Variants in CMTR1 observed in about 807,000 individuals in gnomAD.
CMTR1 encodes cap methyltransferase 1.
Under a neutral mutation model 107.0 loss-of-function variants are expected in CMTR1, and 39 were observed. The ratio of observed to expected loss-of-function variants is 0.36; its 90% CI spans 0.28 to 0.48. The LOEUF is 0.48. Ranked by LOEUF, CMTR1 falls within the 20% of genes least tolerant of loss-of-function variation. CMTR1 has a pLI of 0.99. For missense variants in CMTR1, 672 were observed against 1,064.9 expected (o/e 0.63, Z 5.14); for synonymous variants, 366 against 379.5 (o/e 0.96, Z 0.41).
At position 37,444,087 on chromosome 6, in the gene CMTR1, C is replaced by T. The variant is rs1771730651; in HGVS notation, c.222C>T (p.Asp74=). The T allele has an allele frequency of 1.2e-6, 2 of 1,614,046 alleles. No homozygotes were observed. Among genetic ancestry groups the T allele is most frequent in the South Asian group, 1.1e-5 (1 of 91,090 alleles). The stretch of plus-strand genomic sequence containing the variant: ...CTTTTGACGATGCATTCAAAGCAGA[C>T]TCTCTTGTGGAAGGAACTTCTTCTC... ...SDSFDDAFKA[D]SLVEGTSSRY... Residue 74 remains aspartate, a synonymous_variant, in exon 3 of 24, where the codon GAC becomes GAT. Transcript: ENST00000373451.
At chr6:37,431,415 C>A (rs191049187), upstream of CMTR1, among the ~76,000 whole-genome samples, 4 of 152,346 alleles carry the variant, frequency 2.6e-5, no homozygotes, top group African/African-American at 9.6e-5. Flanking sequence ...TGCTTCCTAG[C>A]TCTGTAATCT....
At chr6:37,471,995 C>G in intron 15 of CMTR1, 91 bp downstream of exon 15, 1 of 1,167,638 alleles carries the variant, frequency 8.6e-7, no homozygotes, top group Non-Finnish European at 1.2e-6. Context: ...CTTAGGGTGT[C>G]TCTGCATCCA....
intron 13 of CMTR1, among the ~76,000 whole-genome samples, chr6:37,468,661 A>G (rs1264193210): frequency 6.6e-6 from 1 of 151,982 alleles, no homozygotes; most frequent in Non-Finnish European, 1.5e-5. Flanking sequence ...AGGCAGGTGG[A>G]TCACCTGAGG....
the CMTR1 span, among the ~76,000 whole-genome samples, chr6:37,428,031 A>G: frequency 6.9e-6 from 1 of 144,962 alleles, no homozygotes; most frequent in African/African-American, 2.6e-5. Flanking sequence ...AGAGAGAGAG[A>G]GAGAGAGAGA....
chr6:37,452,240 G>A (rs1424035703), intron 6 of CMTR1, among the ~76,000 whole-genome samples: 4 of 152,140 alleles, frequency 2.6e-5, no homozygotes, highest in Admixed American at 2.0e-4. Context: ...ACCTTGGCCC[G>A]GTGGTTTTAC....
At chr6:37,460,950 C>T (rs1761391343) in intron 10 of CMTR1, among the ~76,000 whole-genome samples, 1 of 152,178 alleles carries the variant, frequency 6.6e-6, no homozygotes, top group Non-Finnish European at 1.5e-5. Flanking sequence ...AATAGCATCA[C>T]ACATTCTTTC....
chr6:37,428,008 CAG>C, the CMTR1 span, among the ~76,000 whole-genome samples: 12,456 of 114,412 alleles, frequency 0.11, 538 homozygotes, highest in Admixed American at 0.15. Context: ...GCAACAGAGA[CAG>C]AGAGAGAGAG....
At chr6:37,473,316 C>A (rs745734966) in intron 16 of CMTR1, among the ~76,000 whole-genome samples, 154 bp from the exon 17 acceptor site, 3 of 152,058 alleles carry the variant, frequency 2.0e-5, no homozygotes, top group Non-Finnish European at 4.4e-5. Flanking sequence ...CCATTTAGTG[C>A]ACAGTTAGGT....
chr6:37,481,135 TTTTG>T lies in CMTR1; in HGVS notation c.*996_*999del. 7.7e-7 allele frequency: 1 copy of T among 1,304,282 alleles called. No homozygotes were observed. The highest frequency in any genetic ancestry group is 1.2e-5 in the South Asian group (1 of 81,030). The allele number at this position is 1,304,282 out of a possible 1,614,324, so 80.8% of individuals were successfully genotyped here. On this transcript the variant is annotated 3_prime_UTR_variant, in exon 24 of 24. Coordinates refer to ENST00000373451, the MANE Select transcript of CMTR1 (RefSeq NM_015050.3). ...TTCCCTAATAGGAGGTACAATCTGC[TTTTG>T]TTTGTCGTTAAGTGGTCACTCCCAT...
In CMTR1 at chr6:37,478,446, C is replaced by A; in HGVS notation, c.2191C>A (p.Pro731Thr). ...MKIIKGSSGT[P>T]KLSYTGRDDR... ...GATCATCAAGGGCTCCAGTGGCACC[C>A]CAAAGCTCAGCTACACAGGGCGTGA... is the stretch of plus-strand genomic sequence containing the variant. Residue 731 changes from proline to threonine, a missense_variant, in exon 22 of 24, where the codon CCA becomes ACA. Pro to Thr is a conservative substitution (Grantham distance 38, BLOSUM62 -1). Coordinates refer to ENST00000373451, the MANE Select transcript of CMTR1 (RefSeq NM_015050.3). 6.2e-7 allele frequency: 1 copy of A among 1,614,060 alleles called. No individual in the cohort carries two copies. Among genetic ancestry groups the A allele is most frequent in the Middle Eastern group, 1.7e-4 (1 of 6,060 alleles).
upstream of CMTR1, among the ~76,000 whole-genome samples, chr6:37,429,929 C>T (rs1771340068): frequency 7.2e-6 from 1 of 138,314 alleles, no homozygotes; most frequent in African/African-American, 2.9e-5. Flanking sequence ...CAGATCAAGA[C>T]TCTGTCTCAA....
intron 13 of CMTR1, among the ~76,000 whole-genome samples, chr6:37,465,108 A>G (rs1014854779): frequency 2.0e-5 from 3 of 152,048 alleles, no homozygotes; most frequent in East Asian, 3.8e-4. Flanking sequence ...ATCTCTACTG[A>G]AAATACAAAA....
Position 37,446,468 on chromosome 6 carries a change from A to G in CMTR1, c.444+19A>G. 1.9e-6 allele frequency: 3 copies of G among 1,597,678 alleles called. No individual in the cohort carries two copies. Among genetic ancestry groups the G allele is most frequent in the Non-Finnish European group, 2.6e-6 (3 of 1,174,060 alleles). ...GCCAGAGGTAAGTGTTAAAGTGAGGAGGAGATGGAAAAGCCACTTGTGTTT... is the reference window on the plus strand; with the variant it reads ...GCCAGAGGTAAGTGTTAAAGTGAGGGGGAGATGGAAAAGCCACTTGTGTTT... On this transcript the variant is annotated intron_variant, in intron 4 of 23. Coordinates refer to ENST00000373451, the MANE Select transcript of CMTR1 (RefSeq NM_015050.3).
intron 8 of CMTR1, among the ~76,000 whole-genome samples, chr6:37,456,705 G>A (rs1761302710): frequency 6.6e-6 from 1 of 152,176 alleles, no homozygotes; most frequent in Non-Finnish European, 1.5e-5. Flanking sequence ...TGTTCATCAT[G>A]GTCTGAGGCC....
chr6:37,468,055 G>GT lies in CMTR1; in HGVS notation c.1506-2966_1506-2965insT, dbSNP rs66657443. On this transcript the variant is annotated intron_variant, in intron 13 of 23. Coordinates refer to ENST00000373451, the MANE Select transcript of CMTR1 (RefSeq NM_015050.3). ...TCTTCCTTTCTTCCCTCTGTTTTGT[G>GT]GGGGGGGGGACTAATTCAGTATTTT... Among the ~76,000 whole-genome samples the GT allele has an allele frequency of 2.8e-3, 257 of 93,328 alleles. 4 individuals are homozygous for GT. Among genetic ancestry groups the GT allele is most frequent in the South Asian group, 0.027 (51 of 1,922 alleles). The allele number at this position is 93,328 out of a possible 152,430, so 61.2% of individuals were successfully genotyped here. A position where few individuals can be genotyped will look rare whatever the true frequency, so the allele number is the denominator to read the frequency against.
intron 13 of CMTR1, among the ~76,000 whole-genome samples, chr6:37,468,722 A>G (rs766079104): frequency 9.2e-5 from 14 of 151,588 alleles, no homozygotes; most frequent in Non-Finnish European, 1.5e-4. Flanking sequence ...CGTCTCTACA[A>G]AAGTACAAAA....
intron 13 of CMTR1, among the ~76,000 whole-genome samples, chr6:37,466,839 A>G (rs949198717): frequency 2.0e-5 from 3 of 152,060 alleles, no homozygotes; most frequent in East Asian, 3.9e-4. Context: ...ACATACGTGT[A>G]TATATATATA....
rs1224912136 is a variant in CMTR1, at chr6:37,481,397, C to A, written c.*1252C>A. 5.9e-6 allele frequency: 7 copies of A among 1,185,384 alleles called. No homozygotes were observed. The highest frequency in any genetic ancestry group is 6.4e-6 in the Non-Finnish European group (6 of 940,990). The allele number at this position is 1,185,384 out of a possible 1,614,324, so 73.4% of individuals were successfully genotyped here. On this transcript the variant is annotated 3_prime_UTR_variant, in exon 24 of 24. Coordinates refer to ENST00000373451, the MANE Select transcript of CMTR1 (RefSeq NM_015050.3). ...GGGTCCTTCAGCCAGCATCCAGCTCCCCACCCCCAGGCTGGCAGTAGCACT... is the reference window on the plus strand; with the variant it reads ...GGGTCCTTCAGCCAGCATCCAGCTCACCACCCCCAGGCTGGCAGTAGCACT...
intron 10 of CMTR1, among the ~76,000 whole-genome samples, chr6:37,460,412 G>A (rs1761378780): frequency 6.6e-6 from 1 of 152,214 alleles, no homozygotes; most frequent in Non-Finnish European, 1.5e-5. Flanking sequence ...CTCTGGCTGA[G>A]CAGATGTGGG....
Sources: allele counts gnomAD v4.1 joint callset (sites outside exome capture counted in the v4.1 genomes callset), GRCh38; gene constraint gnomAD v4.1.1; transcripts MANE v1.5; gene names NCBI Gene and HGNC (gene_info 2026-07-23, HGNC 2026-07-21).